The following KAT6B variants were observed in gnomAD, a reference collection of about 807,000 sequenced individuals.
KAT6B encodes lysine acetyltransferase 6B, also known as histone acetyltransferase KAT6B.
Under a neutral mutation model 187.5 loss-of-function variants are expected in KAT6B, and 10 were observed. That is an observed-to-expected ratio of 0.05 (90% CI 0.03 to 0.09). The LOEUF (loss-of-function observed/expected upper bound fraction) is 0.09. KAT6B is among the 10% of genes least tolerant of loss of function. The probability of loss-of-function intolerance (pLI) is 1.00; values close to 1 mark genes in which losing one functional copy is unlikely to be tolerated. For missense variants in KAT6B, 1,952 were observed against 2,558.9 expected (o/e 0.76, Z 5.12); for synonymous variants, 861 against 926.8 (o/e 0.93, Z 1.29).
chr10:74,886,301 G>C (rs1035021884), intron 3 of KAT6B, among the ~76,000 whole-genome samples: 3 of 152,158 alleles, frequency 2.0e-5, no homozygotes, highest in Non-Finnish European at 4.4e-5. Flanking sequence ...GTTGGAGCAG[G>C]CCTCTCAGGC....
intron 17 of KAT6B, chr10:75,025,476 G>T: frequency 2.0e-6 from 1 of 490,816 alleles, no homozygotes. Flanking sequence ...TCCTCTAGGT[G>T]GGTTCATCTT....
At chr10:74,919,557 C>T (rs1030072275) in intron 3 of KAT6B, among the ~76,000 whole-genome samples, 6 of 152,014 alleles carry the variant, frequency 3.9e-5, no homozygotes, top group African/African-American at 7.2e-5. Flanking sequence ...TGCTCCACCA[C>T]GCCCTGCTAA....
intron 2 of KAT6B, among the ~76,000 whole-genome samples, chr10:74,839,272 C>T (rs1353669401): frequency 2.0e-5 from 3 of 149,300 alleles, no homozygotes; most frequent in Non-Finnish European, 3.0e-5. Flanking sequence ...CTCTTGTTGC[C>T]GAGGCTGGAG....
At chr10:74,848,068 G>A (rs55734461) in intron 3 of KAT6B, among the ~76,000 whole-genome samples, 8 of 151,756 alleles carry the variant, frequency 5.3e-5, no homozygotes, top group African/African-American at 9.7e-5. Flanking sequence ...ACAGGCGTGC[G>A]CCACCATGCC....
intron 13 of KAT6B, among the ~76,000 whole-genome samples, chr10:75,016,687 T>G (rs879395539): frequency 6.6e-6 from 1 of 152,180 alleles, no homozygotes; most frequent in Non-Finnish European, 1.5e-5. Context: ...CAAACATCAC[T>G]TTGTTTTCCA....
At chr10:74,904,253 A>G (rs1192965244) in intron 3 of KAT6B, among the ~76,000 whole-genome samples, 4 of 152,240 alleles carry the variant, frequency 2.6e-5, no homozygotes, top group Non-Finnish European at 4.4e-5. Flanking sequence ...CACAGTTTCT[A>G]TGAGTCCAGG....
At chr10:74,936,275 C>T (rs1233717724) in intron 3 of KAT6B, among the ~76,000 whole-genome samples, 2 of 151,778 alleles carry the variant, frequency 1.3e-5, no homozygotes. Flanking sequence ...TGGTGGCAGG[C>T]GCCTGTAATC....
chr10:75,018,427 C>A (rs1257018183), intron 13 of KAT6B, among the ~76,000 whole-genome samples: 1 of 152,204 alleles, frequency 6.6e-6, no homozygotes, highest in Non-Finnish European at 1.5e-5. Context: ...TAAATGCTCC[C>A]CATGGACCCC....
intron 3 of KAT6B, among the ~76,000 whole-genome samples, chr10:74,948,149 C>T (rs748009292): frequency 6.6e-6 from 1 of 152,126 alleles, no homozygotes; most frequent in Non-Finnish European, 1.5e-5. Context: ...GCAGGGAAAA[C>T]AAAAGAAGTC....
chr10:74,896,490 A>G (rs1164560405), intron 3 of KAT6B, among the ~76,000 whole-genome samples: 2 of 151,980 alleles, frequency 1.3e-5, no homozygotes, highest in African/African-American at 2.4e-5. Flanking sequence ...GGGTTTCACT[A>G]TTTTGGCCAG....
chr10:74,977,565 A>G, intron 9 of KAT6B, 128 bp downstream of exon 9: 10 of 1,195,826 alleles, frequency 8.4e-6, no homozygotes, highest in Non-Finnish European at 1.2e-5. Flanking sequence ...AGCCGTTATC[A>G]TGCCCATTTC....
chr10:74,863,940 T>C (rs1312123963), intron 3 of KAT6B, among the ~76,000 whole-genome samples: 3 of 152,078 alleles, frequency 2.0e-5, no homozygotes, highest in Admixed American at 6.6e-5. Flanking sequence ...CTCATACACA[T>C]ACACTTTTCT....
chr10:74,904,342 C>G (rs757433968), intron 3 of KAT6B, among the ~76,000 whole-genome samples: 5 of 152,216 alleles, frequency 3.3e-5, no homozygotes, highest in Non-Finnish European at 7.3e-5. Context: ...CTCATAAGCT[C>G]ACTGGTTGTT....
chr10:74,953,642 T>C (rs1183473425), intron 3 of KAT6B, among the ~76,000 whole-genome samples: 1 of 152,202 alleles, frequency 6.6e-6, no homozygotes. Flanking sequence ...GTAGATGACT[T>C]AAGAAGTATG....
rs369027010 is a variant in KAT6B at position 75,029,864 on chromosome 10, C to T, written c.5040C>T (p.Tyr1680=). 22 of 1,614,064 alleles carry T rather than the reference C, an allele frequency of 1.4e-5. No individual in the cohort carries two copies. Among genetic ancestry groups the T allele is most frequent in the African/African-American group, 5.3e-5 (4 of 74,920 alleles). ...GTATCGAGAGCACAACTGAGAACTA[C>T]GAAAACCCAAGCAGCTACGATTCTA... ...LGSIESTTEN[Y]ENPSSYDSTM... Residue 1680 remains tyrosine (Y), a synonymous_variant, in exon 18 of 18, where the codon TAC becomes TAT. Coordinates refer to ENST00000287239, the MANE Select transcript of KAT6B (RefSeq NM_012330.4). The surrounding 1 kb of genome is among the most constrained non-coding windows in gnomAD (Gnocchi z 6.2).
chr10:75,003,293 G>A (rs986894515), intron 13 of KAT6B: 1 of 152,190 alleles, frequency 6.6e-6, no homozygotes, highest in African/African-American at 2.4e-5. Flanking sequence ...TTTCTTGATT[G>A]CATTTATTTT....
At chr10:74,863,154 T>C (rs61862627) in intron 3 of KAT6B, among the ~76,000 whole-genome samples, 3 of 152,242 alleles carry the variant, frequency 2.0e-5, no homozygotes, top group Non-Finnish European at 4.4e-5. Context: ...ACTATAAAGA[T>C]AACTACTGTT....
chr10:74,867,650 C>G (rs970555481), intron 3 of KAT6B, among the ~76,000 whole-genome samples: 4 of 152,190 alleles, frequency 2.6e-5, no homozygotes, highest in African/African-American at 9.7e-5. Flanking sequence ...AGGCATTTGG[C>G]TCTGCCGCCT....
intron 3 of KAT6B, among the ~76,000 whole-genome samples, chr10:74,955,389 C>CCT (rs1230113638): frequency 2.8e-5 from 4 of 143,870 alleles, no homozygotes; most frequent in Non-Finnish European, 6.1e-5. Context: ...TTTATCCCCC[C>CCT]CCCCCCAACT....
Sources: allele counts gnomAD v4.1 joint callset (sites outside exome capture counted in the v4.1 genomes callset), GRCh38; gene constraint gnomAD v4.1.1; non-coding constraint Gnocchi (gnomAD v3.1); transcripts MANE v1.5; gene names NCBI Gene and HGNC (gene_info 2026-07-23, HGNC 2026-07-21).